The following BDKRB2 variants were observed in gnomAD, a reference collection of about 807,000 sequenced individuals.
The protein encoded by BDKRB2 is B2 bradykinin receptor.
A neutral mutation model predicts 4.0 loss-of-function variants in BDKRB2; 6 were observed. The ratio of observed to expected loss-of-function variants is 1.49; its 90% CI spans 0.81 to 2.93. The LOEUF is 2.93. Ranked by LOEUF, BDKRB2 falls within the 30% of genes most tolerant of loss-of-function variation. The probability of loss-of-function intolerance (pLI) is 0.00; values close to 1 mark genes in which losing one functional copy is unlikely to be tolerated. For synonymous variants in BDKRB2, 225 were observed against 215.3 expected (o/e 1.05, Z -0.40); for missense variants, 478 against 520.1 (o/e 0.92, Z 0.79).
intron 1 of BDKRB2, 131 bp downstream of exon 1, chr14:96,205,090 A>C (rs559249594): frequency 1.2e-5 from 2 of 166,374 alleles, no homozygotes; most frequent in African/African-American, 4.8e-5. Context: ...AGTTGGGAAA[A>C]GTTCCCTTCC....
intron 2 of BDKRB2, chr14:96,239,622 T>TG: frequency 1.0e-6 from 1 of 978,304 alleles, no homozygotes. Flanking sequence ...GTGCAGTGCT[T>TG]GGGGCATTTT....
rs1297055274 is a variant in BDKRB2 at position 96,242,734 on chromosome 14, G to C, written c.*1230G>C. On this transcript the variant is annotated 3_prime_UTR_variant, in exon 3 of 3. Coordinates refer to ENST00000554311, the MANE Select transcript of BDKRB2 (RefSeq NM_001379692.1). Reference sequence around the variant, plus strand: ...TCGGTCTTGCCCAGAGGATCACAGTGCTGAGACCCCCCACCACCAGCCGGT... The same window carrying C: ...TCGGTCTTGCCCAGAGGATCACAGTCCTGAGACCCCCCACCACCAGCCGGT... The C allele has an allele frequency of 6.6e-6, 1 of 152,380 alleles. No homozygotes were observed. Among genetic ancestry groups the C allele is most frequent in the Non-Finnish European group, 1.5e-5 (1 of 68,184 alleles). 9.4% of individuals were successfully genotyped at this position (152,380 alleles called of 1,614,324 possible).
In BDKRB2 at chr14:96,215,496, G is replaced by A. The variant is rs760677987; in HGVS notation, c.-40+10537G>A. Among the ~76,000 whole-genome samples the A allele has an allele frequency of 2.3e-3, 342 of 151,118 alleles. 1 individual carries two copies. Among genetic ancestry groups the A allele is most frequent in the Non-Finnish European group, 4.2e-3 (287 of 67,864 alleles). The stretch of plus-strand genomic sequence containing the variant: ...CAAAAAAAAAAGGGAGGGGGTTGAA[G>A]GTTCTGGGTTTTCTTCACTGAATTA... On this transcript the variant is annotated intron_variant, in intron 1 of 2. Coordinates refer to ENST00000554311, the MANE Select transcript of BDKRB2 (RefSeq NM_001379692.1).
At position 96,204,882 on chromosome 14, in the gene BDKRB2, TG is replaced by T; in HGVS notation, c.-113del. 5.7e-6 allele frequency: 2 copies of T among 348,720 alleles called. No homozygotes were observed. The highest frequency in any genetic ancestry group is 5.7e-6 in the Non-Finnish European group (1 of 175,752). The allele number at this position is 348,720 out of a possible 1,614,324, so 21.6% of individuals were successfully genotyped here. ...GGGCTCCGAGGAGGGGTGGGGACGG[TG>T]GGGACGGTGGGGACATCAGGCTGCC... On this transcript the variant is annotated 5_prime_UTR_variant, in exon 1 of 3. Transcript: ENST00000554311.
At chr14:96,235,573 G>A (rs993016262) in intron 1 of BDKRB2, among the ~76,000 whole-genome samples, 5 of 152,064 alleles carry the variant, frequency 3.3e-5, no homozygotes, top group Non-Finnish European at 5.9e-5. Context: ...AGGGGTTCCT[G>A]CAAACCTTTT....
chr14:96,234,558 A>G (rs1890889681), intron 1 of BDKRB2, among the ~76,000 whole-genome samples: 1 of 152,218 alleles, frequency 6.6e-6, no homozygotes, highest in Non-Finnish European at 1.5e-5. Context: ...GCTCCCTGAC[A>G]GGGATCCTCA....
At chr14:96,215,033 A>C (rs1890386343) in intron 1 of BDKRB2, among the ~76,000 whole-genome samples, 2 of 152,226 alleles carry the variant, frequency 1.3e-5, no homozygotes, top group African/African-American at 4.8e-5. Context: ...AATTCATTCC[A>C]AACACTTGGC....
chr14:96,237,288 A>G, intron 2 of BDKRB2, 107 bp downstream of exon 2: 1 of 1,066,996 alleles, frequency 9.4e-7, no homozygotes, highest in East Asian at 2.4e-5. Flanking sequence ...AGTTGAAGGA[A>G]CCAGTGATGT....
At position 96,209,248 on chromosome 14, in the gene BDKRB2, CT is replaced by C. The variant is rs529189933; in HGVS notation, c.-40+4291del. Among the ~76,000 whole-genome samples, 271 of 152,290 alleles carry C rather than the reference CT, an allele frequency of 1.8e-3. 1 individual carries two copies. The highest frequency in any genetic ancestry group is 3.3e-3 in the Non-Finnish European group (225 of 68,022). On this transcript the variant is annotated intron_variant, in intron 1 of 2. Transcript: ENST00000554311. ...AATCAAGGTTCATCGAGTTGATAAA[CT>C]TCAATTGACATTTATCGAGAGTTTG...
intron 1 of BDKRB2, among the ~76,000 whole-genome samples, chr14:96,230,441 C>G (rs1228410265): frequency 6.6e-6 from 1 of 152,068 alleles, no homozygotes; most frequent in Non-Finnish European, 1.5e-5. Context: ...GTCGCCCAGG[C>G]TGGAGTGCAA....
intron 1 of BDKRB2, among the ~76,000 whole-genome samples, chr14:96,222,716 A>C (rs1368815458): frequency 6.6e-6 from 1 of 150,882 alleles, no homozygotes; most frequent in Non-Finnish European, 1.5e-5. Context: ...GCTGCTTCAA[A>C]CTGGTATGCT....
chr14:96,220,770 T>C (rs1238829236), intron 1 of BDKRB2, among the ~76,000 whole-genome samples: 1 of 151,992 alleles, frequency 6.6e-6, no homozygotes, highest in Non-Finnish European at 1.5e-5. Flanking sequence ...CCTTTGACCA[T>C]GTCCAGGCAT....
Position 96,232,355 on chromosome 14 carries a change from G to A in BDKRB2, c.-39-4714G>A, listed in dbSNP as rs1040418487. On this transcript the variant is annotated intron_variant, in intron 1 of 2. Transcript: ENST00000554311. ...TCACAGTCAGCTTCCAGAGCCCATCGGCCTAACCGCCAGGCTGGCTTCCCG... is the reference window on the plus strand; with the variant it reads ...TCACAGTCAGCTTCCAGAGCCCATCAGCCTAACCGCCAGGCTGGCTTCCCG... 2.6e-5 allele frequency among the ~76,000 whole-genome samples: 4 copies of A among 152,220 alleles called. No individual in the cohort carries two copies. The East Asian group carries it at 7.7e-4, about 29-fold the overall frequency.
chr14:96,207,414 A>G (rs1474264305), intron 1 of BDKRB2, among the ~76,000 whole-genome samples: 1 of 121,650 alleles, frequency 8.2e-6, no homozygotes, highest in Non-Finnish European at 1.8e-5. Context: ...AACTATGAAG[A>G]CAGTAAAAAA....
chr14:96,239,030 A>C, intron 2 of BDKRB2: 7 of 985,504 alleles, frequency 7.1e-6, no homozygotes, highest in Non-Finnish European at 6.0e-6. Context: ...CCTAGAAGCA[A>C]ACGGACTTTT....
chr14:96,233,656 G>A (rs1441116861), intron 1 of BDKRB2: 2 of 152,176 alleles, frequency 1.3e-5, no homozygotes, highest in African/African-American at 4.8e-5. Context: ...CCCCACATGA[G>A]GCACAGTTGG....
At chr14:96,223,323 A>G (rs1890619370) in intron 1 of BDKRB2, 1 of 1,052,188 alleles carries the variant, frequency 9.5e-7, no homozygotes. Context: ...TCCGGCGCCC[A>G]CCACCCAAGA....
rs201777442 is a variant in BDKRB2 at position 96,204,918 on chromosome 14, C to A, written c.-81C>A. The A allele has an allele frequency of 6.9e-4, 210 of 302,272 alleles. 1 individual carries two copies. The highest frequency in any genetic ancestry group is 3.8e-4 in the Non-Finnish European group (56 of 148,044). 18.7% of individuals were successfully genotyped at this position (302,272 alleles called of 1,614,324 possible). ...GGGACATCAGGCTGCCCCGCAGTAC[C>A]AGGGAGCGACTGAAGTGCCCATGCC... On this transcript the variant is annotated 5_prime_UTR_variant, in exon 1 of 3. Coordinates refer to ENST00000554311, the MANE Select transcript of BDKRB2 (RefSeq NM_001379692.1).
intron 1 of BDKRB2, among the ~76,000 whole-genome samples, chr14:96,215,889 A>T (rs1890406335): frequency 6.6e-6 from 1 of 152,200 alleles, no homozygotes; most frequent in African/African-American, 2.4e-5. Context: ...AAGGAAACTG[A>T]GACTCAGAGA....
Sources: allele counts gnomAD v4.1 joint callset (sites outside exome capture counted in the v4.1 genomes callset), GRCh38; gene constraint gnomAD v4.1.1; transcripts MANE v1.5; gene names NCBI Gene and HGNC (gene_info 2026-07-23, HGNC 2026-07-21).